SSNA1: variants seen among roughly 807,000 people sequenced by gnomAD.
The protein encoded by SSNA1 is SS nuclear autoantigen 1.
A neutral mutation model predicts 13.3 loss-of-function variants in SSNA1; 13 were observed. That is an observed-to-expected ratio of 0.97 (90% confidence interval 0.63 to 1.55). The LOEUF (loss-of-function observed/expected upper bound fraction) is 1.55, where lower values mean the gene tolerates loss of function less well. Ranked by LOEUF, SSNA1 falls within the 40% of genes most tolerant of loss-of-function variation. The pLI, the probability that SSNA1 is intolerant of heterozygous loss-of-function variation, is 0.00. For missense variants in SSNA1, 186 were observed against 152.7 expected, an observed-to-expected ratio of 1.22 and a Z score of -1.15; for synonymous variants, 89 against 65.9, an observed-to-expected ratio of 1.35 and a Z score of -1.70.
At chr9:137,188,810 G>GAGGGCCGC (rs1270128716) in intron 1 of SSNA1, 32 bp downstream of exon 1, 1 of 1,547,616 alleles carries the variant, frequency 6.5e-7, no homozygotes, top group Non-Finnish European at 8.7e-7. Flanking sequence ...GGGAGGTCGG[G>GAGGGCCGC]AGGGCCGCAG....
chr9:137,189,870 G>T lies in SSNA1; in HGVS notation c.316G>T (p.Ala106Ser). Residue 106 changes from alanine to serine, a missense_variant, in exon 3 of 3, where the codon GCT becomes TCT. Physicochemically the swap from Ala to Ser is moderately conservative, Grantham distance 99. Transcript: ENST00000322310. ...GAGGGAAGCTGGGAACCTGACCAAG[G>T]CTACAGCCCCAGACCAGAAAAGTAG... ...LKREAGNLTK[A>S]TAPDQKSSGG... 1 of 1,613,958 alleles carries T rather than the reference G, an allele frequency of 6.2e-7. No homozygotes were observed. The highest frequency in any genetic ancestry group is 8.5e-7 in the Non-Finnish European group (1 of 1,180,024).
chr9:137,189,920 C>G lies in SSNA1; in HGVS notation c.*6C>G, dbSNP rs779671086. ...GCGGCGGCAGGGACAGCTGACCAGA[C>G]CACGGGCAGGGCCTGCCTCCGTGTG... is the stretch of plus-strand genomic sequence containing the variant. On this transcript the variant is annotated 3_prime_UTR_variant, in exon 3 of 3. Coordinates refer to ENST00000322310, the MANE Select transcript of SSNA1 (RefSeq NM_003731.3). 2 of 1,612,252 alleles carry G rather than the reference C, an allele frequency of 1.2e-6. No homozygotes were observed. The highest frequency in any genetic ancestry group is 1.7e-6 in the Non-Finnish European group (2 of 1,179,242).
Position 137,189,821 on chromosome 9 carries a change from C to G in SSNA1, c.267C>G (p.Ser89=), listed in dbSNP as rs756724971. 3.7e-6 allele frequency: 6 copies of G among 1,613,866 alleles called. No homozygotes were observed. The highest frequency in any genetic ancestry group is 4.2e-6 in the Non-Finnish European group (5 of 1,180,008). ...TCTGGCCCCAGATCCTGGAGAGCTC[C>G]CAGACTTTGCTCAGCGTTCTCAAGA... ...EAAYLKILES[S]QTLLSVLKRE... The change falls in exon 3 of 3, where the codon TCC becomes TCG. Residue 89 remains serine, a synonymous_variant. Coordinates refer to ENST00000322310, the MANE Select transcript of SSNA1 (RefSeq NM_003731.3).
chr9:137,190,010 C>T lies in SSNA1; in HGVS notation c.*96C>T. The stretch of plus-strand genomic sequence containing the variant: ...CTTTGTTCTTCACGGCAGCAGCTAC[C>T]TTCCCTCACTGTCTCAGGTGCCGAG... On this transcript the variant is annotated 3_prime_UTR_variant, in exon 3 of 3. Coordinates refer to ENST00000322310, the MANE Select transcript of SSNA1 (RefSeq NM_003731.3). 1 of 1,113,200 alleles carries T rather than the reference C, an allele frequency of 9.0e-7. No individual in the cohort carries two copies. The highest frequency in any genetic ancestry group is 1.3e-5 in the South Asian group (1 of 74,226). 69.0% of individuals were successfully genotyped at this position (1,113,200 alleles called of 1,614,324 possible). A position where few individuals can be genotyped will look rare whatever the true frequency, so the allele number is the denominator to read the frequency against.
intron 1 of SSNA1, 133 bp downstream of exon 1, chr9:137,188,911 G>A (rs1218135948): frequency 2.3e-6 from 3 of 1,310,744 alleles, no homozygotes; most frequent in Non-Finnish European, 2.0e-6. Flanking sequence ...GCCGGAGGCC[G>A]GGTGTCCGTG....
chr9:137,189,223 G>A lies in SSNA1; in HGVS notation c.210G>A (p.Glu70=). Residue 70 remains glutamate, a synonymous_variant, in exon 2 of 3, where the codon GAG becomes GAA. Coordinates refer to ENST00000322310, the MANE Select transcript of SSNA1 (RefSeq NM_003731.3). ...NLARKIASRN[E]FDRTIAETEA... ...CACGCAAGATTGCCTCTCGCAACGA[G>A]TTCGACCGGACCATCGCGGAGACGG... The A allele has an allele frequency of 6.2e-7, 1 of 1,613,222 alleles. No individual in the cohort carries two copies. Among genetic ancestry groups the A allele is most frequent in the Non-Finnish European group, 8.5e-7 (1 of 1,180,006 alleles).
intron 2 of SSNA1, 124 bp from the exon 3 acceptor site, chr9:137,189,683 C>T: frequency 1.2e-6 from 1 of 848,096 alleles, no homozygotes; most frequent in Non-Finnish European, 1.9e-6. Context: ...CGCCTTCCCC[C>T]ACACAGGATC....
intron 1 of SSNA1, 101 bp from the exon 2 acceptor site, chr9:137,188,965 G>A (rs948716166): frequency 1.4e-6 from 2 of 1,424,268 alleles, no homozygotes; most frequent in Non-Finnish European, 1.9e-6. Flanking sequence ...CGGGCGCTCG[G>A]GGGTGGTGCC....
chr9:137,189,767 C>T (rs1344205902), intron 2 of SSNA1, 40 bp from the exon 3 acceptor site: 3 of 1,584,538 alleles, frequency 1.9e-6, no homozygotes, highest in Non-Finnish European at 2.6e-6. Context: ...ACCTTACCAA[C>T]AGGTGAACAT....
At chr9:137,189,451 CTG>C (rs960281451) in intron 2 of SSNA1, among the ~76,000 whole-genome samples, 186 bp downstream of exon 2, 3 of 152,344 alleles carry the variant, frequency 2.0e-5, no homozygotes, top group African/African-American at 7.2e-5. Context: ...GACTGTGGGG[CTG>C]TCTGTGGGGC....
Position 137,190,147 on chromosome 9 carries a change from G to T in SSNA1, c.*233G>T. The T allele has an allele frequency of 2.0e-6, 1 of 509,940 alleles. No individual in the cohort carries two copies. The highest frequency in any genetic ancestry group is 2.1e-5 in the South Asian group (1 of 48,262). The allele number at this position is 509,940 out of a possible 1,614,324, so 31.6% of individuals were successfully genotyped here. A position where few individuals can be genotyped will look rare whatever the true frequency, so the allele number is the denominator to read the frequency against. On this transcript the variant is annotated 3_prime_UTR_variant, in exon 3 of 3. Transcript: ENST00000322310. ...TATGGGGATGGTGGGCTCCAGGTCAGCTCTGCAAGGGGCTTGTCTCTGTGG... is the reference window on the plus strand; with the variant it reads ...TATGGGGATGGTGGGCTCCAGGTCATCTCTGCAAGGGGCTTGTCTCTGTGG...
At position 137,190,085 on chromosome 9, in the gene SSNA1, G is replaced by A; in HGVS notation, c.*171G>A. On this transcript the variant is annotated 3_prime_UTR_variant, in exon 3 of 3. Transcript: ENST00000322310. ...GCATCAGTGACAAGCCCAGGGCACA[G>A]CCCACCCGGGGGTCCTCGCTTCATG... The A allele has an allele frequency of 1.6e-6, 1 of 620,668 alleles. No individual in the cohort carries two copies. The highest frequency in any genetic ancestry group is 2.8e-6 in the Non-Finnish European group (1 of 353,932). 38.4% of individuals were successfully genotyped at this position (620,668 alleles called of 1,614,324 possible). A position where few individuals can be genotyped will look rare whatever the true frequency, so the allele number is the denominator to read the frequency against.
Position 137,189,136 on chromosome 9 carries a change from G to C in SSNA1, c.123G>C (p.Gln41His). Residue 41 changes from glutamine (Q) to histidine (H), a missense_variant, in exon 2 of 3, where the codon CAG becomes CAC. By Grantham distance (24) the Gln-to-His change is conservative. Coordinates refer to ENST00000322310, the MANE Select transcript of SSNA1 (RefSeq NM_003731.3). ...RQIQEEEDEK[Q>H]RLQNEVRQLT... Reference sequence around the variant, plus strand: ...TCCAGGAGGAGGAGGACGAGAAGCAGCGGCTGCAGAATGAGGTGAGGCAGC... The same window carrying C: ...TCCAGGAGGAGGAGGACGAGAAGCACCGGCTGCAGAATGAGGTGAGGCAGC... The C allele has an allele frequency of 6.2e-7, 1 of 1,610,406 alleles. No individual in the cohort carries two copies. The highest frequency in any genetic ancestry group is 8.5e-7 in the Non-Finnish European group (1 of 1,178,808).
At chr9:137,189,364 C>A in intron 2 of SSNA1, 99 bp downstream of exon 2, 1 of 1,368,552 alleles carries the variant, frequency 7.3e-7, no homozygotes, top group Non-Finnish European at 1.0e-6. Flanking sequence ...CGGCTGTGGG[C>A]AGTCTGTGCC....
At chr9:137,189,760 T>TTACCAA in intron 2 of SSNA1, 47 bp from the exon 3 acceptor site, 1 of 1,574,060 alleles carries the variant, frequency 6.4e-7, no homozygotes, top group Non-Finnish European at 8.7e-7. Context: ...GCTTAGGACC[T>TTACCAA]TACCAACAGG....
Position 137,189,260 on chromosome 9 carries a change from C to G in SSNA1, c.247C>G (p.Leu83Val). The G allele has an allele frequency of 6.2e-7, 1 of 1,613,034 alleles. No homozygotes were observed. Among genetic ancestry groups the G allele is most frequent in the Non-Finnish European group, 8.5e-7 (1 of 1,179,948 alleles). The change falls in exon 2 of 3, where the codon CTC becomes GTC. Residue 83 changes from leucine (L) to valine (V), a missense_variant. Leu to Val is a conservative substitution (Grantham distance 32). Transcript: ENST00000322310. ...CATCGCGGAGACGGAGGCCGCCTAC[C>G]TCAAGGTGGAGCTCGGGAGGCCAGG... ...RTIAETEAAY[L>V]KILESSQTLL...
At position 137,189,077 on chromosome 9, in the gene SSNA1, CTG is replaced by C; in HGVS notation, c.67_68del (p.Cys23ProfsTer23). ...CTCCCGGCCCCCAGGCATAGAGGAG[CTG>C]TGCCAGAAGCGGGAGGAGCTGTGCC... The part of the protein sequence containing the change: ...NNELVKCIEE[L>X]CQKREELCRQ... On this transcript the variant is annotated frameshift_variant, in exon 2 of 3. Coordinates refer to ENST00000322310, the MANE Select transcript of SSNA1 (RefSeq NM_003731.3). LOFTEE classifies it high-confidence loss of function. 6.4e-7 allele frequency: 1 copy of C among 1,572,196 alleles called. No homozygotes were observed. The highest frequency in any genetic ancestry group is 8.6e-7 in the Non-Finnish European group (1 of 1,157,932).
intron 2 of SSNA1, among the ~76,000 whole-genome samples, chr9:137,189,475 T>C (rs546695976): frequency 1.3e-5 from 2 of 152,234 alleles, no homozygotes; most frequent in South Asian, 4.1e-4. Flanking sequence ...TGGGGCATCC[T>C]GGGTCCTGGT....
At position 137,189,230 on chromosome 9, in the gene SSNA1, C is replaced by G; in HGVS notation, c.217C>G (p.Arg73Gly). 5.6e-6 allele frequency: 9 copies of G among 1,613,122 alleles called. No individual in the cohort carries two copies. Among genetic ancestry groups the G allele is most frequent in the African/African-American group, 1.3e-5 (1 of 75,068 alleles). ...GATTGCCTCTCGCAACGAGTTCGAC[C>G]GGACCATCGCGGAGACGGAGGCCGC... ...RKIASRNEFDRTIAETEAAYL... is the reference protein window; with the variant it reads ...RKIASRNEFDGTIAETEAAYL... Residue 73 changes from arginine to glycine, a missense_variant, in exon 2 of 3, where the codon CGG becomes GGG. By Grantham distance (125) the Arg-to-Gly change is moderately radical. Transcript: ENST00000322310.
Sources: allele counts gnomAD v4.1 joint callset (sites outside exome capture counted in the v4.1 genomes callset), GRCh38; gene constraint gnomAD v4.1.1; transcripts MANE v1.5; gene names NCBI Gene and HGNC (gene_info 2026-07-23, HGNC 2026-07-21).